Variants in CNNM2 observed in about 807,000 individuals in gnomAD.
CNNM2 encodes the protein cyclin and CBS domain divalent metal cation transport mediator 2, also known as metal transporter CNNM2.
Under a neutral mutation model 66.9 loss-of-function variants are expected in CNNM2, and 12 were observed. The ratio of observed to expected loss-of-function variants is 0.18; its 90% confidence interval spans 0.11 to 0.29. CNNM2 has a LOEUF of 0.29. Ranked by LOEUF, CNNM2 falls within the 10% of genes least tolerant of loss-of-function variation. The pLI, the probability that CNNM2 is intolerant of heterozygous loss-of-function variation, is 1.00. For missense variants in CNNM2, 705 were observed against 1,167.7 expected (o/e 0.60, Z 5.77); for synonymous variants, 557 against 501.8 (o/e 1.11, Z -1.47).
intron 1 of CNNM2, among the ~76,000 whole-genome samples, chr10:102,987,318 T>TATA (rs1422288662): frequency 6.6e-6 from 1 of 150,944 alleles, no homozygotes; most frequent in Non-Finnish European, 1.5e-5. Flanking sequence ...ACATTAAGCT[T>TATA]ATTATTATTA....
intron 1 of CNNM2, among the ~76,000 whole-genome samples, chr10:102,924,295 A>C (rs1845768813): frequency 6.6e-6 from 1 of 152,178 alleles, no homozygotes. Flanking sequence ...GCTGAGGTGC[A>C]TTTGAAGAAT....
rs11191490 is a variant in CNNM2, at chr10:102,985,417, T to A, written c.1622-64290T>A. On this transcript the variant is annotated intron_variant, in intron 1 of 7. Transcript: ENST00000369878. ...GAGAGAATTTCTGTGTCAACATCAT[T>A]GAGAACTCTGAAAGCTTCTTTACAT... Among the ~76,000 whole-genome samples, 15,903 of 152,196 alleles carry A rather than the reference T, an allele frequency of 0.1. 867 individuals carry two copies. The highest frequency in any genetic ancestry group is 0.18 in the Middle Eastern group (52 of 294).
chr10:103,056,392 C>T (rs2065297837), intron 3 of CNNM2, among the ~76,000 whole-genome samples: 3 of 152,180 alleles, frequency 2.0e-5, no homozygotes, highest in Admixed American at 2.0e-4. Flanking sequence ...TGTGTGTGCG[C>T]TGGCACTAAC....
chr10:103,054,464 C>G lies in CNNM2; in HGVS notation c.1901C>G (p.Thr634Arg). 6.2e-7 allele frequency: 1 copy of G among 1,613,710 alleles called. No individual in the cohort carries two copies. The highest frequency in any genetic ancestry group is 8.5e-7 in the Non-Finnish European group (1 of 1,179,752). The change falls in exon 3 of 8, where the codon ACA becomes AGA. Residue 634 changes from threonine to arginine, a missense_variant and splice_region_variant. By Grantham distance (71) the Thr-to-Arg change is moderately conservative. Coordinates refer to ENST00000369878, the MANE Select transcript of CNNM2 (RefSeq NM_017649.5). This position sits in a 1 kb window ranked among gnomAD's most constrained non-coding sequence, Gnocchi z 5.2. ...CTGGCCATGCACCGTTTCCTAGCAA[C>G]AGGCAAGTGCAGCTTATCACAGTTT... ...LLLAMHRFLA[T>R]EVEAFSPSQM...
At chr10:102,973,952 C>G (rs1000755599) in intron 1 of CNNM2, among the ~76,000 whole-genome samples, 12 of 152,136 alleles carry the variant, frequency 7.9e-5, no homozygotes, top group Non-Finnish European at 1.3e-4. Flanking sequence ...TTCTGTCATT[C>G]ATCCATCTCC....
chr10:103,066,465 G>A (rs1028509747), intron 4 of CNNM2, among the ~76,000 whole-genome samples: 14 of 152,030 alleles, frequency 9.2e-5, no homozygotes, highest in Admixed American at 7.2e-4. Context: ...TGCCACCCTC[G>A]TGGAAGCAGA....
At chr10:102,955,767 T>C (rs1190835740) in intron 1 of CNNM2, among the ~76,000 whole-genome samples, 1 of 151,938 alleles carries the variant, frequency 6.6e-6, no homozygotes, top group Non-Finnish European at 1.5e-5. Flanking sequence ...AACAGACACA[T>C]GAAAAAATGC....
At chr10:102,986,328 A>ACTGCAACCTCTGCCTCC (rs1305957152) in intron 1 of CNNM2, among the ~76,000 whole-genome samples, 2 of 151,380 alleles carry the variant, frequency 1.3e-5, no homozygotes, top group African/African-American at 4.9e-5. Flanking sequence ...ATCTCGGCTC[A>ACTGCAACCTCTGCCTCC]CTGCAACCTC....
rs2063368283 is a variant in CNNM2 at position 102,960,876 on chromosome 10, C to T, written c.1621+40775C>T. ...TCTTGGCTTACTACAACCTCCGCCT[C>T]CTGAGTTCAAGTGATTCTCTGTTTT... On this transcript the variant is annotated intron_variant, in intron 1 of 7. Coordinates refer to ENST00000369878, the MANE Select transcript of CNNM2 (RefSeq NM_017649.5). Among the ~76,000 whole-genome samples, 3 of 148,242 alleles carry T rather than the reference C, an allele frequency of 2.0e-5. 1 individual carries two copies. Among genetic ancestry groups the T allele is most frequent in the South Asian group, 4.3e-4 (2 of 4,604 alleles).
rs140942781 is a variant in CNNM2 at position 103,073,457 on chromosome 10, G to T, written c.2233+1618G>T. Among the ~76,000 whole-genome samples the T allele has an allele frequency of 1.1e-3, 163 of 152,198 alleles. 1 individual carries two copies. Among genetic ancestry groups the T allele is most frequent in the Admixed American group, 2.3e-3 (35 of 15,288 alleles). Reference sequence around the variant, plus strand: ...AAGCGCAGGGATACAGTAAGATCTCGTTTCAAAAAAAGGACTAATCTGTCA... The same window carrying T: ...AAGCGCAGGGATACAGTAAGATCTCTTTTCAAAAAAAGGACTAATCTGTCA... On this transcript the variant is annotated intron_variant, in intron 6 of 7. Coordinates refer to ENST00000369878, the MANE Select transcript of CNNM2 (RefSeq NM_017649.5).
In CNNM2 at chr10:103,088,983, GGTT is replaced by G. The variant is rs2066053527; in HGVS notation, c.*11807_*11809del. The G allele has an allele frequency of 4.8e-6, 1 of 209,014 alleles. No individual in the cohort carries two copies. The highest frequency in any genetic ancestry group is 2.3e-5 in the African/African-American group (1 of 43,962). 12.9% of individuals were successfully genotyped at this position (209,014 alleles called of 1,614,324 possible). ...ATAGATTTATCACAGATAAGAAGGA[GGTT>G]GTTTTTGGATAACAAATAAGCATTT... On this transcript the variant is annotated 3_prime_UTR_variant, in exon 8 of 8. Transcript: ENST00000369878.
At chr10:102,983,811 G>A (rs1217755827) in intron 1 of CNNM2, among the ~76,000 whole-genome samples, 1 of 151,278 alleles carries the variant, frequency 6.6e-6, no homozygotes, top group African/African-American at 2.4e-5. Context: ...TGTTGCCCAG[G>A]CTGGAATACA....
At chr10:103,045,370 G>A (rs2065110622) in intron 1 of CNNM2, among the ~76,000 whole-genome samples, 1 of 152,174 alleles carries the variant, frequency 6.6e-6, no homozygotes, top group Admixed American at 6.5e-5. Flanking sequence ...TGTAGACACA[G>A]CTGCCTAGAA....
At chr10:103,023,265 C>T (rs1467578927) in intron 1 of CNNM2, among the ~76,000 whole-genome samples, 1 of 152,174 alleles carries the variant, frequency 6.6e-6, no homozygotes, top group Non-Finnish European at 1.5e-5. Flanking sequence ...ACTCGCCCAA[C>T]ACTGGGCCTG....
chr10:103,089,426 A>T lies in CNNM2; in HGVS notation c.*12246A>T. On this transcript the variant is annotated 3_prime_UTR_variant, in exon 8 of 8. Transcript: ENST00000369878. Reference sequence around the variant, plus strand: ...CAGTGGAGCCATATACATGCAGTTCAGCCTGATTTTACCCTTATTTTCTTC... The same window carrying T: ...CAGTGGAGCCATATACATGCAGTTCTGCCTGATTTTACCCTTATTTTCTTC... 4.4e-6 allele frequency: 2 copies of T among 450,806 alleles called. No individual in the cohort carries two copies. Among genetic ancestry groups the T allele is most frequent in the South Asian group, 6.0e-5 (1 of 16,626 alleles). 27.9% of individuals were successfully genotyped at this position (450,806 alleles called of 1,614,324 possible).
chr10:102,958,671 A>G (rs1343621632), intron 1 of CNNM2, among the ~76,000 whole-genome samples: 3 of 151,156 alleles, frequency 2.0e-5, no homozygotes, highest in Non-Finnish European at 3.0e-5. Context: ...GGGTTTCACT[A>G]TATTGCCAGG....
intron 6 of CNNM2, among the ~76,000 whole-genome samples, chr10:103,074,452 G>T (rs1179975069): frequency 6.6e-6 from 1 of 152,216 alleles, no homozygotes; most frequent in Non-Finnish European, 1.5e-5. Flanking sequence ...GAAACAAGGG[G>T]AACTGCCACT....
intron 3 of CNNM2, among the ~76,000 whole-genome samples, chr10:103,055,858 T>G (rs2065286371): frequency 6.6e-6 from 1 of 152,200 alleles, no homozygotes; most frequent in Non-Finnish European, 1.5e-5. Flanking sequence ...TCTCAGCTCT[T>G]GGCGGGGCCA....
chr10:102,993,196 T>C (rs1304046106), intron 1 of CNNM2, among the ~76,000 whole-genome samples: 1 of 152,206 alleles, frequency 6.6e-6, no homozygotes, highest in Non-Finnish European at 1.5e-5. Context: ...TATGTTTACT[T>C]ATGTGCGTTG....
Sources: allele counts gnomAD v4.1 joint callset (sites outside exome capture counted in the v4.1 genomes callset), GRCh38; gene constraint gnomAD v4.1.1; non-coding constraint Gnocchi (gnomAD v3.1); transcripts MANE v1.5; gene names NCBI Gene and HGNC (gene_info 2026-07-23, HGNC 2026-07-21).